EDN1: variants seen among roughly 807,000 people sequenced by gnomAD.
EDN1 encodes endothelin-1.
Under a neutral mutation model 21.7 loss-of-function variants are expected in EDN1, and 11 were observed. The ratio of observed to expected loss-of-function variants is 0.51; its 90% CI spans 0.32 to 0.84. The LOEUF (loss-of-function observed/expected upper bound fraction) is 0.84. Ranked by LOEUF, EDN1 falls within the 40% of genes least tolerant of loss-of-function variation. The probability of loss-of-function intolerance (pLI) is 0.03; values close to 1 mark genes in which losing one functional copy is unlikely to be tolerated. For missense variants in EDN1, 244 were observed against 262.3 expected (o/e 0.93, Z 0.48); for synonymous variants, 85 against 90.6 (o/e 0.94, Z 0.35).
chr6:12,258,898 A>G, the EDN1 span, among the ~76,000 whole-genome samples: 1 of 152,224 alleles, frequency 6.6e-6, no homozygotes, highest in Non-Finnish European at 1.5e-5. Context: ...CACAGGAGCA[A>G]TCTAGTGACT....
chr6:12,261,551 T>C, the EDN1 span, among the ~76,000 whole-genome samples: 1 of 152,102 alleles, frequency 6.6e-6, no homozygotes, highest in African/African-American at 2.4e-5. Context: ...GGTAAGGATG[T>C]GAAACTGACA....
the EDN1 span, among the ~76,000 whole-genome samples, chr6:12,259,345 G>T: frequency 6.6e-6 from 1 of 151,264 alleles, no homozygotes; most frequent in Non-Finnish European, 1.5e-5. Context: ...AATGTTAGCA[G>T]CATAGAGATT....
chr6:12,279,708 A>G, the EDN1 span, among the ~76,000 whole-genome samples: 3 of 152,262 alleles, frequency 2.0e-5, no homozygotes, highest in African/African-American at 7.2e-5. Context: ...TGAACTGAAT[A>G]GGAAAAAAAC....
chr6:12,269,245 T>A, the EDN1 span, among the ~76,000 whole-genome samples: 1 of 152,094 alleles, frequency 6.6e-6, no homozygotes, highest in African/African-American at 2.4e-5. Flanking sequence ...AGTCTTTAGG[T>A]TTTTCTATAT....
At chr6:12,258,974 A>C in the EDN1 span, among the ~76,000 whole-genome samples, 1 of 152,198 alleles carries the variant, frequency 6.6e-6, no homozygotes, top group Non-Finnish European at 1.5e-5. Context: ...ACTACTAAAA[A>C]TGTTAATGAC....
intron 4 of EDN1, among the ~76,000 whole-genome samples, chr6:12,294,920 C>CTTGTTTTTTTTTTTTTT (rs1762783696): frequency 9.3e-6 from 1 of 107,624 alleles, no homozygotes; most frequent in African/African-American, 3.5e-5. Flanking sequence ...GGTTTATGGT[C>CTTGTTTTTTTTTTTTTT]TTTTTTTTTT....
chr6:12,251,839 C>T, the EDN1 span, among the ~76,000 whole-genome samples: 1 of 152,176 alleles, frequency 6.6e-6, no homozygotes, highest in African/African-American at 2.4e-5. Flanking sequence ...CAGACCTCTC[C>T]TTTCCTCCCA....
At chr6:12,289,663 T>C (rs72830019), upstream of EDN1, among the ~76,000 whole-genome samples, 116 of 152,300 alleles carry the variant, frequency 7.6e-4, no homozygotes, top group Admixed American at 2.4e-3. Context: ...AAAGAACTTA[T>C]CGGGGCTTCT....
the EDN1 span, among the ~76,000 whole-genome samples, chr6:12,255,052 T>C: frequency 2.0e-5 from 3 of 152,212 alleles, no homozygotes; most frequent in African/African-American, 7.2e-5. Context: ...GTAATTTCTT[T>C]CAGATAAATT....
the EDN1 span, among the ~76,000 whole-genome samples, chr6:12,263,691 A>G: frequency 6.6e-6 from 1 of 152,198 alleles, no homozygotes; most frequent in Non-Finnish European, 1.5e-5. Flanking sequence ...AGAGGGTTAA[A>G]TGGATTATTC....
chr6:12,237,945 G>A, the EDN1 span, among the ~76,000 whole-genome samples: 1 of 149,922 alleles, frequency 6.7e-6, no homozygotes, highest in South Asian at 2.1e-4. Context: ...CGAGGTGGGA[G>A]GATCACTTGA....
the EDN1 span, among the ~76,000 whole-genome samples, chr6:12,256,365 C>G: frequency 0.087 from 13,128 of 151,764 alleles, 1,867 homozygotes; most frequent in African/African-American, 0.3. Context: ...AAAACAAAAC[C>G]GCAAAACAAA....
At chr6:12,243,770 G>A in the EDN1 span, among the ~76,000 whole-genome samples, 3 of 152,170 alleles carry the variant, frequency 2.0e-5, no homozygotes, top group African/African-American at 7.2e-5. Flanking sequence ...TATTTGTCAT[G>A]TGGATGAGTA....
upstream of EDN1, among the ~76,000 whole-genome samples, chr6:12,287,712 T>TCTCA (rs1380647005): frequency 1.6e-4 from 16 of 103,072 alleles, no homozygotes; most frequent in East Asian, 6.0e-4. Context: ...TCTCTCTCTC[T>TCTCA]CACACACACA....
At chr6:12,266,789 AC>A in the EDN1 span, among the ~76,000 whole-genome samples, 1 of 152,078 alleles carries the variant, frequency 6.6e-6, no homozygotes. Context: ...CATTCGTCAA[AC>A]CACAGGAAGG....
At chr6:12,278,322 C>T in the EDN1 span, among the ~76,000 whole-genome samples, 2 of 152,296 alleles carry the variant, frequency 1.3e-5, no homozygotes, top group Non-Finnish European at 2.9e-5. Context: ...CATCAGTTCT[C>T]AGAGATCTCT....
At chr6:12,265,794 C>A in the EDN1 span, among the ~76,000 whole-genome samples, 58,486 of 152,008 alleles carry the variant, frequency 0.38, 11,465 homozygotes, top group Middle Eastern at 0.43. Context: ...TTTACCAGTC[C>A]TAAATGACTT....
At chr6:12,274,443 G>C in the EDN1 span, among the ~76,000 whole-genome samples, 1 of 152,120 alleles carries the variant, frequency 6.6e-6, no homozygotes, top group Non-Finnish European at 1.5e-5. Flanking sequence ...CTCAGTAATA[G>C]CACATACCTC....
the EDN1 span, among the ~76,000 whole-genome samples, chr6:12,264,023 C>T: frequency 9.3e-3 from 1,413 of 152,282 alleles, 18 homozygotes; most frequent in East Asian, 0.021. Flanking sequence ...ACCAATACAA[C>T]TATTTTTATC....
Sources: gnomAD v4.1 joint callset for allele counts (sites outside exome capture counted in the v4.1 genomes callset) on GRCh38, gnomAD v4.1.1 for gene constraint, MANE v1.5 for transcripts, NCBI Gene and HGNC (gene_info 2026-07-23, HGNC 2026-07-21) for gene names.